Variants in CDH13 observed in about 807,000 individuals in gnomAD.
CDH13 encodes cadherin 13.
A neutral mutation model predicts 63.8 loss-of-function variants in CDH13; 24 were observed. The ratio of observed to expected loss-of-function variants is 0.38; its 90% confidence interval spans 0.27 to 0.53. The LOEUF is 0.53. Among genes scored for constraint, CDH13 ranks in the 20% least tolerant of loss-of-function variants. The pLI, the probability that CDH13 is intolerant of heterozygous loss-of-function variation, is 0.85. For synonymous variants in CDH13, 503 were observed against 355.3 expected (o/e 1.42, Z -4.67); for missense variants, 1,049 against 903.1 (o/e 1.16, Z -2.07).
At chr16:83,612,484 G>C (rs2150765354) in intron 8 of CDH13, among the ~76,000 whole-genome samples, 1 of 151,804 alleles carries the variant, frequency 6.6e-6, no homozygotes, top group East Asian at 1.9e-4. Flanking sequence ...ATTGTTACTG[G>C]AATTATTTTG....
At chr16:82,913,070 AT>A (rs748419571) in intron 2 of CDH13, among the ~76,000 whole-genome samples, 4 of 152,144 alleles carry the variant, frequency 2.6e-5, no homozygotes, top group Non-Finnish European at 5.9e-5. Context: ...TGGGAATCTC[AT>A]TATTTGCATT....
rs566509422 is a variant in CDH13 at position 82,828,220 on chromosome 16, G to A, written c.46-30142G>A. Among the ~76,000 whole-genome samples, 13 of 152,266 alleles carry A rather than the reference G, an allele frequency of 8.5e-5. No individual in the cohort carries two copies. The South Asian group carries it at 1.0e-3, about 12-fold the overall frequency. On this transcript the variant is annotated intron_variant, in intron 1 of 13. Transcript: ENST00000567109. ...CAAGGGTTAGAGAAAAGCTTGGGCC[G>A]CAGCATTGCCTCTGCCATGAAGACT...
At position 83,798,081 on chromosome 16, in the gene CDH13, C is replaced by G. The variant is rs1223405619; in HGVS notation, c.*3051C>G. The G allele has an allele frequency of 2.0e-5, 3 of 152,158 alleles. No homozygotes were observed. The highest frequency in any genetic ancestry group is 2.9e-5 in the Non-Finnish European group (2 of 68,042). 9.4% of individuals were successfully genotyped at this position (152,158 alleles called of 1,614,324 possible). On this transcript the variant is annotated 3_prime_UTR_variant, in exon 14 of 14. Transcript: ENST00000567109. ...TGGTAGGTATCAAATAAGACTTTGG[C>G]TCTTAAAGAACATCGTTAGAAATTT...
At chr16:82,744,770 G>T (rs2034085818) in intron 1 of CDH13, among the ~76,000 whole-genome samples, 1 of 152,174 alleles carries the variant, frequency 6.6e-6, no homozygotes, top group African/African-American at 2.4e-5. Context: ...TCGAGGGCTG[G>T]ATGAATTTAT....
At chr16:83,346,524 G>T (rs113334191) in intron 6 of CDH13, among the ~76,000 whole-genome samples, 5 of 152,258 alleles carry the variant, frequency 3.3e-5, no homozygotes, top group African/African-American at 4.8e-5. Context: ...ATTCAGATGG[G>T]CTGGGAAAGT....
At chr16:82,787,333 A>G (rs2151127845) in intron 1 of CDH13, among the ~76,000 whole-genome samples, 1 of 152,314 alleles carries the variant, frequency 6.6e-6, no homozygotes, top group Non-Finnish European at 1.5e-5. Flanking sequence ...AACAAAATAA[A>G]CAGTATCTCA....
At chr16:82,631,669 T>C (rs1223975496) in intron 1 of CDH13, among the ~76,000 whole-genome samples, 1 of 152,174 alleles carries the variant, frequency 6.6e-6, no homozygotes, top group Non-Finnish European at 1.5e-5. Flanking sequence ...AGACAATGAA[T>C]GGCTGGGCTG....
intron 3 of CDH13, among the ~76,000 whole-genome samples, chr16:83,103,062 C>T (rs1368423660): frequency 6.8e-6 from 1 of 147,114 alleles, no homozygotes; most frequent in Non-Finnish European, 1.5e-5. Flanking sequence ...AAACAATTTT[C>T]CTGCCTCAGC....
At chr16:82,906,084 A>T (rs2151254268) in intron 2 of CDH13, among the ~76,000 whole-genome samples, 1 of 152,260 alleles carries the variant, frequency 6.6e-6, no homozygotes, top group East Asian at 1.9e-4. Flanking sequence ...CTATCTACCT[A>T]CCTACCTACC....
At chr16:83,310,398 G>C (rs962713183) in intron 5 of CDH13, among the ~76,000 whole-genome samples, 10 of 152,154 alleles carry the variant, frequency 6.6e-5, no homozygotes, top group Admixed American at 3.3e-4. Flanking sequence ...TTCTGTGTGT[G>C]GGTACATGTG....
At chr16:83,137,447 T>C (rs771971821) in intron 4 of CDH13, among the ~76,000 whole-genome samples, 8 of 152,222 alleles carry the variant, frequency 5.3e-5, no homozygotes, top group Non-Finnish European at 8.8e-5. Context: ...TGCGTGTTTG[T>C]GCGCTGAGTC....
chr16:83,375,779 G>T (rs1038105301), intron 6 of CDH13, among the ~76,000 whole-genome samples: 1 of 152,248 alleles, frequency 6.6e-6, no homozygotes, highest in East Asian at 1.9e-4. Flanking sequence ...CAGGAAGAAT[G>T]AACCTGTATA....
At chr16:83,783,914 T>C (rs185050) in intron 13 of CDH13, among the ~76,000 whole-genome samples, 123,745 of 152,192 alleles carry the variant, frequency 0.81, 50,362 homozygotes, top group Admixed American at 0.84. Flanking sequence ...GAGGGTGGGC[T>C]GCAGGGAAAA....
intron 1 of CDH13, among the ~76,000 whole-genome samples, chr16:82,693,757 C>G (rs1567634615): frequency 6.6e-6 from 1 of 152,186 alleles, no homozygotes; most frequent in Non-Finnish European, 1.5e-5. Context: ...AGGCATATTT[C>G]ATGGAATGAT....
Position 83,741,488 on chromosome 16 carries a change from G to GTA in CDH13, c.1539-6608_1539-6607dup, listed in dbSNP as rs59956039. 1.8e-3 allele frequency among the ~76,000 whole-genome samples: 263 copies of GTA among 144,692 alleles called. 1 individual carries two copies. Among genetic ancestry groups the GTA allele is most frequent in the Middle Eastern group, 3.5e-3 (1 of 284 alleles). 94.9% of individuals were successfully genotyped at this position (144,692 alleles called of 152,430 possible). A position where few individuals can be genotyped will look rare whatever the true frequency, so the allele number is the denominator to read the frequency against. On this transcript the variant is annotated intron_variant, in intron 10 of 13. Coordinates refer to ENST00000567109, the MANE Select transcript of CDH13 (RefSeq NM_001257.5). ...TATCCTACTATATATATGTGTGTGT[G>GTA]TATATATATATATGTGTGTGTGTGT...
chr16:83,694,693 C>T (rs1467016636), intron 10 of CDH13, among the ~76,000 whole-genome samples: 1 of 152,116 alleles, frequency 6.6e-6, no homozygotes, highest in Non-Finnish European at 1.5e-5. Flanking sequence ...CATGAAGAGC[C>T]AAGAATGCTA....
In CDH13 at chr16:83,097,669, G is replaced by C. The variant is rs532454936; in HGVS notation, c.367-27716G>C. Reference sequence around the variant, plus strand: ...GGCAGCATCTTTAGAGTTTATGTGGGAAGTGCACTCTAGGTAAGACAGATG... The same window carrying C: ...GGCAGCATCTTTAGAGTTTATGTGGCAAGTGCACTCTAGGTAAGACAGATG... On this transcript the variant is annotated intron_variant, in intron 3 of 13. Transcript: ENST00000567109. Among the ~76,000 whole-genome samples the C allele has an allele frequency of 2.3e-3, 356 of 152,268 alleles. 2 individuals are homozygous for C. Among genetic ancestry groups the C allele is most frequent in the Non-Finnish European group, 3.6e-3 (244 of 68,004 alleles).
At chr16:82,646,775 G>C (rs965156370) in intron 1 of CDH13, among the ~76,000 whole-genome samples, 5 of 152,162 alleles carry the variant, frequency 3.3e-5, no homozygotes, top group African/African-American at 9.7e-5. Context: ...AGAAAGTAAT[G>C]ATCAAGATGA....
chr16:82,773,541 C>T (rs2035356473), intron 1 of CDH13: 1 of 152,332 alleles, frequency 6.6e-6, no homozygotes, highest in Middle Eastern at 3.4e-3. Flanking sequence ...CTTTGTATTT[C>T]AGGTGCTTTT....
Sources: allele counts gnomAD v4.1 joint callset (sites outside exome capture counted in the v4.1 genomes callset), GRCh38; gene constraint gnomAD v4.1.1; transcripts MANE v1.5; gene names NCBI Gene and HGNC (gene_info 2026-07-23, HGNC 2026-07-21).